The following TNS3 variants were observed in gnomAD, a reference collection of about 807,000 sequenced individuals.
TNS3 encodes tensin-3.
A neutral mutation model predicts 140.9 loss-of-function variants in TNS3; 45 were observed. The observed-to-expected ratio is 0.32, with a 90% CI of 0.25 to 0.41. TNS3 has a LOEUF of 0.41. Ranked by LOEUF, TNS3 falls within the 10% of genes least tolerant of loss-of-function variation. The pLI, the probability that TNS3 is intolerant of heterozygous loss-of-function variation, is 1.00. For missense variants in TNS3, 1,716 were observed against 1,906.7 expected (o/e 0.90, Z 1.86); for synonymous variants, 815 against 788.4 (o/e 1.03, Z -0.56).
intron 28 of TNS3, among the ~76,000 whole-genome samples, chr7:47,281,479 G>A (rs887903841): frequency 7.2e-5 from 11 of 152,248 alleles, no homozygotes; most frequent in African/African-American, 2.4e-4. Flanking sequence ...GATGAAGAGA[G>A]AGGCCAGGAG....
chr7:47,296,561 C>G (rs1009919829), intron 24 of TNS3, among the ~76,000 whole-genome samples: 1 of 152,222 alleles, frequency 6.6e-6, no homozygotes, highest in Non-Finnish European at 1.5e-5. Flanking sequence ...CAGGCATAGT[C>G]CTTTACCTGC....
At chr7:47,405,749 A>C (rs1425272111) in intron 13 of TNS3, among the ~76,000 whole-genome samples, 1 of 152,176 alleles carries the variant, frequency 6.6e-6, no homozygotes, top group Admixed American at 6.5e-5. Flanking sequence ...GAGTCTCAGG[A>C]GAACACTTTC....
upstream of TNS3, chr7:47,582,439 G>T (rs1029392081): frequency 1.2e-4 from 56 of 456,536 alleles, no homozygotes; most frequent in Middle Eastern, 9.7e-4. Context: ...GGGGAGGCGG[G>T]TTCGGATCCT....
intron 23 of TNS3, among the ~76,000 whole-genome samples, chr7:47,298,219 G>A (rs552714619): frequency 5.3e-5 from 8 of 152,334 alleles, no homozygotes; most frequent in East Asian, 1.9e-4. Context: ...CCCCTATCCC[G>A]TGGCTCCATG....
intron 1 of TNS3, among the ~76,000 whole-genome samples, chr7:47,547,827 A>G (rs1369910322): frequency 6.6e-6 from 1 of 152,234 alleles, no homozygotes; most frequent in Non-Finnish European, 1.5e-5. Flanking sequence ...TCACCAGCTC[A>G]TGTGCATCGC....
intron 1 of TNS3, among the ~76,000 whole-genome samples, chr7:47,569,416 C>T (rs1016399031): frequency 7.2e-5 from 11 of 151,816 alleles, no homozygotes; most frequent in African/African-American, 2.4e-4. Context: ...TGGTGATGGG[C>T]GCCTGTAATC....
At chr7:47,476,621 T>C (rs916948383) in intron 4 of TNS3, among the ~76,000 whole-genome samples, 2 of 152,204 alleles carry the variant, frequency 1.3e-5, no homozygotes, top group African/African-American at 4.8e-5. Flanking sequence ...AAAATCATCA[T>C]TCTGCTCGAC....
chr7:47,302,976 G>T lies in TNS3; in HGVS notation c.3431C>A (p.Ala1144Asp). ...FPNVLPDFSK[A>D]SEAASPLPDS... is the part of the protein sequence containing the mutation. ...TGGCAGAGGTGAGGCCGCTTCTGAA[G>T]CCTTGGAAAAGTCGGGAAGGACATT... Residue 1144 changes from alanine (A) to aspartate (D), a missense_variant, in exon 22 of 31, where the codon GCT (alanine) becomes GAT (aspartate). Coordinates refer to ENST00000311160, the MANE Select transcript of TNS3 (RefSeq NM_022748.12). 6.2e-7 allele frequency: 1 copy of T among 1,611,076 alleles called. No individual in the cohort carries two copies. Among genetic ancestry groups the T allele is most frequent in the South Asian group, 1.1e-5 (1 of 90,780 alleles).
At chr7:47,285,971 G>A (rs1785398936) in intron 27 of TNS3, among the ~76,000 whole-genome samples, 2 of 152,166 alleles carry the variant, frequency 1.3e-5, no homozygotes, top group Non-Finnish European at 2.9e-5. Flanking sequence ...GATTAGAACG[G>A]GAAAATGAAA....
At chr7:47,290,174 C>T (rs1246711247) in intron 27 of TNS3, among the ~76,000 whole-genome samples, 2 of 152,116 alleles carry the variant, frequency 1.3e-5, no homozygotes, top group African/African-American at 4.8e-5. Flanking sequence ...AACTGTACAT[C>T]TGCAGGCAAA....
chr7:47,352,132 T>C (rs1789715316), intron 17 of TNS3, among the ~76,000 whole-genome samples: 1 of 151,092 alleles, frequency 6.6e-6, no homozygotes, highest in East Asian at 1.9e-4. Flanking sequence ...CACACACTCT[T>C]ACACTCACAC....
chr7:47,441,656 C>T (rs754851385), intron 5 of TNS3, among the ~76,000 whole-genome samples: 8 of 152,224 alleles, frequency 5.3e-5, no homozygotes, highest in Non-Finnish European at 1.2e-4. Context: ...GAGTGCCTCT[C>T]CAGAAGATGC....
At chr7:47,366,034 G>C (rs986892820) in intron 17 of TNS3, among the ~76,000 whole-genome samples, 2 of 152,148 alleles carry the variant, frequency 1.3e-5, no homozygotes, top group Admixed American at 6.5e-5. Flanking sequence ...GATGCCTCCA[G>C]CCTCCTCCAA....
chr7:47,575,926 G>A (rs956095827), intron 1 of TNS3, among the ~76,000 whole-genome samples: 6 of 151,238 alleles, frequency 4.0e-5, no homozygotes, highest in Non-Finnish European at 7.4e-5. Context: ...TCCCTCCTGC[G>A]TGCAGGACAA....
chr7:47,500,930 T>TA (rs1157930474), intron 3 of TNS3, among the ~76,000 whole-genome samples: 10 of 150,858 alleles, frequency 6.6e-5, no homozygotes, highest in South Asian at 2.1e-4. Flanking sequence ...AAATAAAAAT[T>TA]AAAAAAAAAT....
In TNS3 at chr7:47,302,238, A is replaced by G; in HGVS notation, c.3492T>C (p.Phe1164=). Residue 1164 remains phenylalanine, a synonymous_variant, in exon 23 of 31, where the codon TTT becomes TTC. Transcript: ENST00000311160. ...ACCAGAACTTGGAAGTGTCTTGAAC[A>G]AATTTCACGATCACAAGTTTATCAC... ...SPGDKLVIVK[F]VQDTSKFWYK... 1.2e-6 allele frequency: 2 copies of G among 1,614,254 alleles called. No homozygotes were observed. The highest frequency in any genetic ancestry group is 1.1e-5 in the South Asian group (1 of 91,086).
chr7:47,469,580 C>T (rs1486496282), intron 4 of TNS3, among the ~76,000 whole-genome samples: 1 of 152,164 alleles, frequency 6.6e-6, no homozygotes, highest in Non-Finnish European at 1.5e-5. Context: ...GATCATTATA[C>T]CAAAAAGACA....
At chr7:47,489,453 T>A (rs936473619) in intron 3 of TNS3, among the ~76,000 whole-genome samples, 1 of 152,206 alleles carries the variant, frequency 6.6e-6, no homozygotes, top group Non-Finnish European at 1.5e-5. Flanking sequence ...AAAAGAGTAG[T>A]GCCCCTATCC....
Position 47,369,566 on chromosome 7 carries a change from T to C in TNS3, c.1080A>G (p.Lys360=), listed in dbSNP as rs1451877304. 1.2e-6 allele frequency: 2 copies of C among 1,610,628 alleles called. No homozygotes were observed. The highest frequency in any genetic ancestry group is 4.5e-5 in the East Asian group (2 of 44,816). Residue 360 remains lysine, a synonymous_variant, in exon 17 of 31, where the codon AAA becomes AAG. Transcript: ENST00000311160. ...DGSLYAKVRK[K]SSSDPGIPGG... ...CTGGGATGCCAGGATCCGAGGAGCTTTTCTTCCTCACCTTCGCGTAAAGGC... is the reference window on the plus strand; with the variant it reads ...CTGGGATGCCAGGATCCGAGGAGCTCTTCTTCCTCACCTTCGCGTAAAGGC...
Sources: gnomAD v4.1 joint callset for allele counts (sites outside exome capture counted in the v4.1 genomes callset) on GRCh38, gnomAD v4.1.1 for gene constraint, MANE v1.5 for transcripts, NCBI Gene and HGNC (gene_info 2026-07-23, HGNC 2026-07-21) for gene names.